Variants in INTS14 observed in about 807,000 individuals in gnomAD.
The protein encoded by INTS14 is UPF0464 protein C15orf44.
A neutral mutation model predicts 56.9 loss-of-function variants in INTS14; 27 were observed. The ratio of observed to expected loss-of-function variants is 0.47; its 90% CI spans 0.35 to 0.65. INTS14 has a LOEUF of 0.65. Among genes scored for constraint, INTS14 ranks in the 30% least tolerant of loss-of-function variants. The probability of loss-of-function intolerance (pLI) is 0.00; values close to 1 mark genes in which losing one functional copy is unlikely to be tolerated. For missense variants in INTS14, 517 were observed against 632.2 expected, an observed-to-expected ratio of 0.82 and a Z score of 1.95; for synonymous variants, 207 against 236.2, an observed-to-expected ratio of 0.88 and a Z score of 1.13.
intron 11 of INTS14, among the ~76,000 whole-genome samples, chr15:65,580,074 T>C (rs1566914485): frequency 6.6e-6 from 1 of 152,106 alleles, no homozygotes; most frequent in Non-Finnish European, 1.5e-5. Context: ...GGCCTCAGGC[T>C]AAGACAATAA....
chr15:65,608,207 C>T (rs1217486948), intron 1 of INTS14, among the ~76,000 whole-genome samples: 1 of 151,794 alleles, frequency 6.6e-6, no homozygotes, highest in Non-Finnish European at 1.5e-5. Context: ...GAAACCCTGT[C>T]TCTACTAAAA....
At chr15:65,589,451 C>A (rs912306090) in intron 9 of INTS14, among the ~76,000 whole-genome samples, 2 of 152,212 alleles carry the variant, frequency 1.3e-5, no homozygotes, top group Non-Finnish European at 2.9e-5. Context: ...AGCCACCACA[C>A]CTGGCTGAAT....
At chr15:65,598,517 T>C in intron 5 of INTS14, 54 bp from the exon 6 acceptor site, 1 of 1,551,724 alleles carries the variant, frequency 6.4e-7, no homozygotes, top group Non-Finnish European at 8.8e-7. Context: ...CATATGAAGT[T>C]AATTTTTCAG....
intron 10 of INTS14, among the ~76,000 whole-genome samples, chr15:65,583,969 A>G (rs1322788124): frequency 1.3e-5 from 2 of 152,224 alleles, no homozygotes; most frequent in East Asian, 3.8e-4. Context: ...TTGTTGTCCA[A>G]GTGGCCTGTC....
chr15:65,581,547 CAAAAAAAAAAA>C (rs57782914), intron 11 of INTS14, among the ~76,000 whole-genome samples: 1 of 47,732 alleles, frequency 2.1e-5, no homozygotes, highest in African/African-American at 8.4e-5. Context: ...GACTCCATCT[CAAAAAAAAAAA>C]AAAAAAAAAA....
At chr15:65,599,097 G>C (rs1405318324) in intron 4 of INTS14, 107 bp from the exon 5 acceptor site, 2 of 704,820 alleles carry the variant, frequency 2.8e-6, no homozygotes, top group Non-Finnish European at 2.3e-6. Context: ...ATAAATAACA[G>C]ATGATTTTTT....
Position 65,605,166 on chromosome 15 carries a change from A to G in INTS14, c.293T>C (p.Ile98Thr), listed in dbSNP as rs766892952. 1.2e-6 allele frequency: 2 copies of G among 1,614,074 alleles called. No individual in the cohort carries two copies. The highest frequency in any genetic ancestry group is 2.7e-5 in the African/African-American group (2 of 74,954). ...LESALVGVCN[I>T]VQQEWGGAIP... ...TGCACCACCCCATTCTTGCTGAACG[A>G]TATTGCAAACACCAACTAATGCAGA... The change falls in exon 3 of 12, where the codon ATC becomes ACC. Residue 98 changes from isoleucine to threonine, a missense_variant. Transcript: ENST00000313182.
intron 1 of INTS14, 157 bp downstream of exon 1, chr15:65,610,941 G>GC: frequency 6.8e-7 from 1 of 1,465,714 alleles, no homozygotes; most frequent in Non-Finnish European, 9.0e-7. Flanking sequence ...CGGGAGCAGC[G>GC]CCCCGGAACT....
At chr15:65,588,285 T>A (rs1165175653) in intron 9 of INTS14, among the ~76,000 whole-genome samples, 1 of 151,540 alleles carries the variant, frequency 6.6e-6, no homozygotes, top group African/African-American at 2.4e-5. Context: ...CAAGACTCCA[T>A]CTCAAAATAA....
chr15:65,579,975 G>A (rs1407493801), intron 11 of INTS14, among the ~76,000 whole-genome samples: 2 of 152,102 alleles, frequency 1.3e-5, no homozygotes, highest in African/African-American at 4.8e-5. Context: ...TAACTTTAAG[G>A]AGGAGTACTT....
At chr15:65,610,852 C>A in intron 1 of INTS14, 1 of 1,528,784 alleles carries the variant, frequency 6.5e-7, no homozygotes. Flanking sequence ...AAAGAGGGGG[C>A]AGAGGGGAGC....
intron 2 of INTS14, 70 bp downstream of exon 2, chr15:65,607,089 G>A (rs1179243629): frequency 1.2e-5 from 18 of 1,539,326 alleles, no homozygotes; most frequent in Middle Eastern, 3.5e-4. Flanking sequence ...AATATTCAAC[G>A]CATTATAACA....
intron 4 of INTS14, among the ~76,000 whole-genome samples, 164 bp from the exon 5 acceptor site, chr15:65,599,154 G>C (rs547297554): frequency 2.6e-4 from 39 of 152,224 alleles, no homozygotes; most frequent in Non-Finnish European, 5.4e-4. Flanking sequence ...TTTGACTCAA[G>C]GTTACCAAAG....
chr15:65,584,261 T>G (rs1031562130), intron 10 of INTS14, among the ~76,000 whole-genome samples: 3 of 152,232 alleles, frequency 2.0e-5, no homozygotes, highest in African/African-American at 7.2e-5. Flanking sequence ...TGCTATGGCT[T>G]GAGTTCTACT....
intron 9 of INTS14, among the ~76,000 whole-genome samples, chr15:65,591,113 CAA>C (rs2073010753): frequency 6.6e-6 from 1 of 151,636 alleles, no homozygotes; most frequent in South Asian, 2.1e-4. Context: ...GAAGAATAAC[CAA>C]AGAGAAGAAG....
In INTS14 at chr15:65,593,519, C is replaced by T. The variant is rs1335522088; in HGVS notation, c.895G>A (p.Ala299Thr). Reference protein sequence around the residue: ...ITDDNEDENSANQIAGKIPNF... With the variant: ...ITDDNEDENSTNQIAGKIPNF... ...GGTATTTTGCCTGCAATCTGATTGG[C>T]TGAATTTTCATCTTCATTGTCATCA... is the stretch of plus-strand genomic sequence containing the variant. The change falls in exon 8 of 12, where the codon GCC (alanine) becomes ACC (threonine). Residue 299 changes from alanine to threonine, a missense_variant. Transcript: ENST00000313182. 3 of 1,613,750 alleles carry T rather than the reference C, an allele frequency of 1.9e-6. No individual in the cohort carries two copies. Among genetic ancestry groups the T allele is most frequent in the South Asian group, 2.2e-5 (2 of 90,992 alleles).
rs758722812 is a variant in INTS14, at chr15:65,579,453, T to C, written c.1512A>G (p.Thr504=). The C allele has an allele frequency of 9.3e-6, 15 of 1,613,976 alleles. No homozygotes were observed. The highest frequency in any genetic ancestry group is 1.7e-5 in the Admixed American group (1 of 60,006). ...SEYAAYDQNI[T]PLHTDFSGSS... ...TCCCAGAGAAGTCCGTGTGCAAAGG[T>C]GTGATGTTCTGGTCATAAGCGGCAT... The change falls in exon 12 of 12, where the codon ACA becomes ACG. Residue 504 remains threonine (T), a synonymous_variant. Transcript: ENST00000313182.
intron 11 of INTS14, among the ~76,000 whole-genome samples, chr15:65,581,404 T>C (rs1261586040): frequency 2.0e-5 from 2 of 99,184 alleles, no homozygotes; most frequent in South Asian, 2.7e-4. Context: ...AAAAATTAGC[T>C]GGGCGTGGTG....
At chr15:65,600,837 A>G (rs140852752) in intron 3 of INTS14, among the ~76,000 whole-genome samples, 1 of 152,314 alleles carries the variant, frequency 6.6e-6, no homozygotes, top group Non-Finnish European at 1.5e-5. Flanking sequence ...ATTTCATCTA[A>G]TAAAATATTT....
Sources: allele counts gnomAD v4.1 joint callset (sites outside exome capture counted in the v4.1 genomes callset), GRCh38; gene constraint gnomAD v4.1.1; transcripts MANE v1.5; gene names NCBI Gene and HGNC (gene_info 2026-07-23, HGNC 2026-07-21).